ZNF33B: variants seen among roughly 807,000 people sequenced by gnomAD.
ZNF33B encodes the protein zinc finger protein 33B, also known as zinc finger protein 11b (KOX 2).
A neutral mutation model predicts 45.8 loss-of-function variants in ZNF33B; 29 were observed. The ratio of observed to expected loss-of-function variants is 0.63; its 90% CI spans 0.47 to 0.86. The LOEUF (loss-of-function observed/expected upper bound fraction) is 0.86. Ranked by LOEUF, ZNF33B falls within the 40% of genes least tolerant of loss-of-function variation. The pLI is 0.00. For missense variants in ZNF33B, 831 were observed against 909.9 expected, an observed-to-expected ratio of 0.91 and a Z score of 1.12; for synonymous variants, 305 against 307.8, an observed-to-expected ratio of 0.99 and a Z score of 0.10.
At position 42,632,352 on chromosome 10, in the gene ZNF33B, G is replaced by C. The variant is rs1472451304; in HGVS notation, c.97C>G (p.Gln33Glu). The C allele has an allele frequency of 6.2e-7, 1 of 1,613,626 alleles. No homozygotes were observed. The highest frequency in any genetic ancestry group is 8.5e-7 in the Non-Finnish European group (1 of 1,179,922). ...ATCACATCTCTATACAGAGCCCTCT[G>C]ACTAGGGTCCAGGTGCTGCCACTCC... Reference protein sequence around the residue: ...QEEWQHLDPSQRALYRDVMLE... With the variant: ...QEEWQHLDPSERALYRDVMLE... The change falls in exon 3 of 5, where the codon CAG becomes GAG. Residue 33 changes from glutamine (Q) to glutamate (E), a missense_variant. Gln to Glu is a conservative substitution (Grantham distance 29). Coordinates refer to ENST00000359467, the MANE Select transcript of ZNF33B (RefSeq NM_006955.3).
At chr10:42,574,667 G>A (rs1319579310) in exon 2 of ZNF33B, 1 of 151,890 alleles carries the variant, frequency 6.6e-6, no homozygotes, top group African/African-American at 2.4e-5. Context: ...TCTCTCCTGA[G>A]GCTGATGACA....
intron 1 of ZNF33B, among the ~76,000 whole-genome samples, chr10:42,579,150 C>T (rs2132012293): frequency 6.6e-6 from 1 of 152,254 alleles, no homozygotes; most frequent in South Asian, 2.1e-4. Context: ...ATGGTTCATC[C>T]TAATGACCAC....
chr10:42,611,131 T>C (rs557675689), intron 4 of ZNF33B, among the ~76,000 whole-genome samples: 1 of 152,082 alleles, frequency 6.6e-6, no homozygotes, highest in Admixed American at 6.6e-5. Context: ...GATCACAAGG[T>C]CAGGAGTTCG....
At chr10:42,588,887 G>T (rs1182226631), downstream of ZNF33B, among the ~76,000 whole-genome samples, 1 of 152,212 alleles carries the variant, frequency 6.6e-6, no homozygotes, top group African/African-American at 2.4e-5. Flanking sequence ...GCAGAGTGGG[G>T]ATGGAAACGA....
chr10:42,636,054 A>C (rs531710894), intron 2 of ZNF33B, among the ~76,000 whole-genome samples: 71 of 152,164 alleles, frequency 4.7e-4, no homozygotes, highest in African/African-American at 1.6e-3. Flanking sequence ...GCTTGAACCC[A>C]GGAGGCAGAA....
intron 4 of ZNF33B, among the ~76,000 whole-genome samples, chr10:42,628,876 T>G (rs1838927622): frequency 6.6e-6 from 1 of 152,194 alleles, no homozygotes; most frequent in Admixed American, 6.5e-5. Context: ...TCACTTCATA[T>G]GGCTGAAAGA....
Position 42,610,697 on chromosome 10 carries a change from T to C in ZNF33B, c.251-15998A>G, listed in dbSNP as rs75974809. On this transcript the variant is annotated intron_variant, in intron 4 of 4. Transcript: ENST00000359467. Reference sequence around the variant, plus strand: ...CCTAAATAAATGGAAAGGCACTGAATTGCATTCATATGGTTAAGATGGCAA... The same window carrying C: ...CCTAAATAAATGGAAAGGCACTGAACTGCATTCATATGGTTAAGATGGCAA... 3.2e-3 allele frequency among the ~76,000 whole-genome samples: 488 copies of C among 152,318 alleles called. 4 individuals carry two copies. In the East Asian group the frequency reaches 0.049, roughly 15 times the overall value.
At chr10:42,576,154 A>G (rs1836747124) in intron 1 of ZNF33B, among the ~76,000 whole-genome samples, 1 of 151,124 alleles carries the variant, frequency 6.6e-6, no homozygotes, top group Non-Finnish European at 1.5e-5. Context: ...GCCTCCCAAT[A>G]ATTTTTTGTA....
intron 4 of ZNF33B, 79 bp downstream of exon 4, chr10:42,631,850 A>G (rs774367442): frequency 2.1e-5 from 26 of 1,236,568 alleles, no homozygotes; most frequent in Non-Finnish European, 3.1e-5. Context: ...AAAATGTTCC[A>G]AAGTTGCCAA....
rs183439991 is a variant in ZNF33B, at chr10:42,635,985, C to A, written c.9+935G>T. 3.0e-3 allele frequency among the ~76,000 whole-genome samples: 453 copies of A among 151,298 alleles called. 2 individuals carry two copies. The highest frequency in any genetic ancestry group is 0.011 in the African/African-American group (434 of 41,174). On this transcript the variant is annotated intron_variant, in intron 2 of 4. Coordinates refer to ENST00000359467, the MANE Select transcript of ZNF33B (RefSeq NM_006955.3). ...CTCTACTAAATCTACAAAAATTAGC[C>A]AGGTATGGTGGTGCACGCCTGTAGT... is the stretch of plus-strand genomic sequence containing the variant.
At position 42,631,923 on chromosome 10, in the gene ZNF33B, A is replaced by C. The variant is rs1357176590; in HGVS notation, c.250+6T>G. ...ATGTGAATCTGTGCAGTACATATTAACCCACCTGGAAAGCTCTGGCTTGGG... is the reference window on the plus strand; with the variant it reads ...ATGTGAATCTGTGCAGTACATATTACCCCACCTGGAAAGCTCTGGCTTGGG... On this transcript the variant is annotated splice_donor_region_variant and intron_variant, in intron 4 of 4. Coordinates refer to ENST00000359467, the MANE Select transcript of ZNF33B (RefSeq NM_006955.3). 1 of 1,612,600 alleles carries C rather than the reference A, an allele frequency of 6.2e-7. No individual in the cohort carries two copies. Among genetic ancestry groups the C allele is most frequent in the Non-Finnish European group, 8.5e-7 (1 of 1,178,684 alleles).
chr10:42,628,275 C>T (rs568987918), intron 4 of ZNF33B, among the ~76,000 whole-genome samples: 26 of 152,422 alleles, frequency 1.7e-4, no homozygotes, highest in African/African-American at 6.2e-4. Flanking sequence ...CTCGGCTTCT[C>T]AAAGTGCTGG....
rs1837323006 is a variant in ZNF33B at position 42,594,706 on chromosome 10, A to G, written c.251-7T>C. On this transcript the variant is annotated splice_polypyrimidine_tract_variant and splice_region_variant and intron_variant, in intron 4 of 4. Coordinates refer to ENST00000359467, the MANE Select transcript of ZNF33B (RefSeq NM_006955.3). The stretch of plus-strand genomic sequence containing the variant: ...TGATCAGCTGTCCAGACTTCTACAA[A>G]CAAACAAAATTAATCTTACCATATA... The G allele has an allele frequency of 6.5e-7, 1 of 1,542,888 alleles. No homozygotes were observed. Among genetic ancestry groups the G allele is most frequent in the African/African-American group, 1.4e-5 (1 of 72,126 alleles).
At chr10:42,607,329 T>G (rs2132082556) in intron 4 of ZNF33B, among the ~76,000 whole-genome samples, 1 of 74,366 alleles carries the variant, frequency 1.3e-5, no homozygotes, top group South Asian at 4.6e-4. Context: ...TCATTTCACG[T>G]TGTGTACACA....
At chr10:42,621,833 C>G (rs534169337) in intron 4 of ZNF33B, among the ~76,000 whole-genome samples, 6 of 152,254 alleles carry the variant, frequency 3.9e-5, no homozygotes, top group African/African-American at 1.4e-4. Flanking sequence ...TTTAACACTG[C>G]AGTAGAAGTT....
intron 1 of ZNF33B, among the ~76,000 whole-genome samples, chr10:42,637,681 A>C (rs140956421): frequency 0.017 from 2,558 of 152,272 alleles, 77 homozygotes; most frequent in African/African-American, 0.059. Flanking sequence ...TTTGTTTTTG[A>C]GACGGAGTTT....
chr10:42,634,721 A>G (rs1216741275), intron 2 of ZNF33B, among the ~76,000 whole-genome samples: 1 of 152,236 alleles, frequency 6.6e-6, no homozygotes, highest in African/African-American at 2.4e-5. Context: ...TTCTACACTA[A>G]CTGTATGAAA....
rs556738952 is a variant in ZNF33B at position 42,621,543 on chromosome 10, T to A, written c.250+10386A>T. ...TTCAACATAAGAAAATCAATGTTTT[T>A]AAAAAAAAAAAGAAAAGAAAATGAA... On this transcript the variant is annotated intron_variant, in intron 4 of 4. Transcript: ENST00000359467. 1.4e-3 allele frequency among the ~76,000 whole-genome samples: 207 copies of A among 144,558 alleles called. 1 individual carries two copies. The highest frequency in any genetic ancestry group is 2.6e-3 in the African/African-American group (103 of 39,604). 94.8% of individuals were successfully genotyped at this position (144,558 alleles called of 152,430 possible).
Position 42,594,143 on chromosome 10 carries a change from T to C in ZNF33B, c.807A>G (p.Pro269=). 1 of 1,613,950 alleles carries C rather than the reference T, an allele frequency of 6.2e-7. No homozygotes were observed. The highest frequency in any genetic ancestry group is 8.5e-7 in the Non-Finnish European group (1 of 1,179,948). ...SSSLLFHQIP[P]SKDSHYEFSD... Reference sequence around the variant, plus strand: ...TAAATTCATAGTGACTGTCCTTTGATGGAGGTATCTGATGGAACAAGAGGG... The same window carrying C: ...TAAATTCATAGTGACTGTCCTTTGACGGAGGTATCTGATGGAACAAGAGGG... Residue 269 remains proline, a synonymous_variant, in exon 5 of 5, where the codon CCA becomes CCG. Transcript: ENST00000359467.
Sources: gnomAD v4.1 joint callset for allele counts (sites outside exome capture counted in the v4.1 genomes callset) on GRCh38, gnomAD v4.1.1 for gene constraint, MANE v1.5 for transcripts, NCBI Gene and HGNC (gene_info 2026-07-23, HGNC 2026-07-21) for gene names.